Variants in MRTFA observed in about 807,000 individuals in gnomAD.
MRTFA encodes the protein myocardin-related transcription factor A.
In MRTFA, 20 loss-of-function variants were observed where a neutral mutation model predicts 83.5. That is an observed-to-expected ratio of 0.24 (90% CI 0.17 to 0.35). The LOEUF (loss-of-function observed/expected upper bound fraction) is 0.35, where lower values mean the gene tolerates loss of function less well. Ranked by LOEUF, MRTFA falls within the 10% of genes least tolerant of loss-of-function variation. The pLI is 1.00. For missense variants in MRTFA, 1,200 were observed against 1,224.7 expected (o/e 0.98, Z 0.30); for synonymous variants, 659 against 541.2 (o/e 1.22, Z -3.02).
At chr22:40,566,606 T>C (rs896071645) in intron 2 of MRTFA, among the ~76,000 whole-genome samples, 2 of 152,076 alleles carry the variant, frequency 1.3e-5, no homozygotes, top group African/African-American at 4.8e-5. Flanking sequence ...CCAAGGCTGA[T>C]GGATCACTTG....
chr22:40,450,886 T>G (rs568496285), intron 4 of MRTFA, among the ~76,000 whole-genome samples: 1 of 152,324 alleles, frequency 6.6e-6, no homozygotes, highest in South Asian at 2.1e-4. Context: ...ACAGGGTTTG[T>G]AGCCAGAAAA....
At chr22:40,631,538 T>C (rs1010780506) in intron 1 of MRTFA, among the ~76,000 whole-genome samples, 1 of 152,230 alleles carries the variant, frequency 6.6e-6, no homozygotes, top group South Asian at 2.1e-4. Flanking sequence ...TTCCGATCTA[T>C]GCAGTATGAC....
Position 40,419,338 on chromosome 22 carries a change from G to C in MRTFA, c.1400C>G (p.Ser467Trp). 2 of 1,613,962 alleles carry C rather than the reference G, an allele frequency of 1.2e-6. No individual in the cohort carries two copies. The highest frequency in any genetic ancestry group is 1.7e-4 in the Middle Eastern group (1 of 6,060). The change falls in exon 12 of 15, where the codon TCG becomes TGG. Residue 467 changes from serine to tryptophan, a missense_variant. Physicochemically the swap from Ser to Trp is radical, Grantham distance 177. Transcript: ENST00000355630. ...CTCAATCAGCTCAGTTTTGGTGCCC[G>C]AGACAGGCAGTGATCGCAACTTCAG...
intron 3 of MRTFA, among the ~76,000 whole-genome samples, chr22:40,534,671 A>T (rs1379050573): frequency 2.0e-5 from 3 of 152,136 alleles, no homozygotes. Context: ...ACTGCTCCCC[A>T]CAGCACCTTT....
In MRTFA at chr22:40,617,380, G is replaced by C. The variant is rs2056464548; in HGVS notation, c.-84+19098C>G. On this transcript the variant is annotated intron_variant, in intron 1 of 14. Coordinates refer to ENST00000355630, the MANE Select transcript of MRTFA (RefSeq NM_020831.6). ...GTCTTGAGAAAATCTCACAAACGGA[G>C]GCCAAATTGAAAAGGAGCTAGCAAA... 2.6e-5 allele frequency among the ~76,000 whole-genome samples: 4 copies of C among 152,214 alleles called. No homozygotes were observed. In the South Asian group the frequency reaches 8.3e-4, roughly 32 times the overall value.
chr22:40,410,564 T>C lies in MRTFA; in HGVS notation c.*826A>G, dbSNP rs990532843. Reference sequence around the variant, plus strand: ...TGGCAGGAAGGCCAGGTAGCACCTCTGCCCTCATGGCACTGATAAGGAGCC... The same window carrying C: ...TGGCAGGAAGGCCAGGTAGCACCTCCGCCCTCATGGCACTGATAAGGAGCC... On this transcript the variant is annotated 3_prime_UTR_variant, in exon 15 of 15. Transcript: ENST00000355630. 3 of 233,294 alleles carry C rather than the reference T, an allele frequency of 1.3e-5. No homozygotes were observed. The highest frequency in any genetic ancestry group is 2.5e-5 in the Non-Finnish European group (3 of 117,890). The allele number at this position is 233,294 out of a possible 1,614,324, so 14.5% of individuals were successfully genotyped here. A position where few individuals can be genotyped will look rare whatever the true frequency, so the allele number is the denominator to read the frequency against.
chr22:40,576,406 G>A (rs747069291), intron 2 of MRTFA, among the ~76,000 whole-genome samples: 10 of 152,118 alleles, frequency 6.6e-5, no homozygotes, highest in Non-Finnish European at 1.0e-4. Context: ...TCTCAGTAAC[G>A]TTTAGGTGAA....
At chr22:40,471,653 T>A (rs922114949) in intron 3 of MRTFA, among the ~76,000 whole-genome samples, 1 of 151,936 alleles carries the variant, frequency 6.6e-6, no homozygotes, top group Non-Finnish European at 1.5e-5. Context: ...GAGGCCCAGG[T>A]AGGCGGATTG....
intron 3 of MRTFA, among the ~76,000 whole-genome samples, chr22:40,474,071 G>A (rs1287069894): frequency 8.5e-5 from 13 of 152,086 alleles, no homozygotes; most frequent in Non-Finnish European, 2.9e-5. Flanking sequence ...ACAACTATAG[G>A]TTGGCACAAA....
chr22:40,625,261 C>A (rs1916023468), intron 1 of MRTFA, among the ~76,000 whole-genome samples: 1 of 151,842 alleles, frequency 6.6e-6, no homozygotes, highest in Admixed American at 6.6e-5. Context: ...GGGAGGATCA[C>A]TTGAGCCCAG....
At chr22:40,417,563 G>T in intron 12 of MRTFA, 70 bp from the exon 13 acceptor site, 2 of 408,398 alleles carry the variant, frequency 4.9e-6, no homozygotes, top group Non-Finnish European at 4.5e-6. Context: ...TGTAGGGGGC[G>T]GGGGGCGGGG....
chr22:40,500,109 T>C (rs1231801402), intron 3 of MRTFA, among the ~76,000 whole-genome samples: 1 of 151,434 alleles, frequency 6.6e-6, no homozygotes, highest in East Asian at 1.9e-4. Context: ...TTTTGTATTT[T>C]TAGTAGAGAT....
rs945139208 is a variant in MRTFA, at chr22:40,421,059, G to A, written c.969C>T (p.Ser323=). 2 of 1,553,234 alleles carry A rather than the reference G, an allele frequency of 1.3e-6. No individual in the cohort carries two copies. The highest frequency in any genetic ancestry group is 1.7e-6 in the Non-Finnish European group (2 of 1,147,222). The stretch of plus-strand genomic sequence containing the variant: ...TTGGCTTCAGCTCCTTGGCCTTCTT[G>A]CTGCGCTGTGACTTCTCACTGGCAG... Residue 323 remains serine (S), a synonymous_variant, in exon 10 of 15, where the codon AGC becomes AGT. Transcript: ENST00000355630.
chr22:40,508,015 A>G (rs961028460), intron 3 of MRTFA, among the ~76,000 whole-genome samples: 1 of 149,658 alleles, frequency 6.7e-6, no homozygotes, highest in Non-Finnish European at 1.5e-5. Context: ...TGATTTATAT[A>G]TAAAGTACGT....
At chr22:40,632,283 T>C (rs2056649943) in intron 1 of MRTFA, among the ~76,000 whole-genome samples, 4 of 152,246 alleles carry the variant, frequency 2.6e-5, no homozygotes, top group African/African-American at 9.6e-5. Context: ...AGCTGACATA[T>C]TACTGCAATT....
chr22:40,435,891 C>T (rs980422236), intron 4 of MRTFA, among the ~76,000 whole-genome samples: 11 of 150,436 alleles, frequency 7.3e-5, no homozygotes, highest in Admixed American at 1.3e-4. Context: ...GCCGAGATTG[C>T]GCCACTGCAC....
chr22:40,507,972 CAAAAAAAAA>C (rs11315930), intron 3 of MRTFA, among the ~76,000 whole-genome samples: 3 of 37,540 alleles, frequency 8.0e-5, no homozygotes, highest in Admixed American at 4.7e-4. Flanking sequence ...GACTCCACCT[CAAAAAAAAA>C]AAAAAAAAAA....
chr22:40,626,259 A>G (rs2056580533), intron 1 of MRTFA, among the ~76,000 whole-genome samples: 1 of 151,924 alleles, frequency 6.6e-6, no homozygotes, highest in Admixed American at 6.6e-5. Flanking sequence ...TGCTGGGATT[A>G]CAGGCATGGG....
At chr22:40,538,085 G>A (rs1335434832) in intron 3 of MRTFA, among the ~76,000 whole-genome samples, 1 of 21,080 alleles carries the variant, frequency 4.7e-5, no homozygotes, top group Non-Finnish European at 1.0e-4. Context: ...AGCTCATTGA[G>A]AACGGGCCAG....
Sources: allele counts gnomAD v4.1 joint callset (sites outside exome capture counted in the v4.1 genomes callset), GRCh38; gene constraint gnomAD v4.1.1; transcripts MANE v1.5; gene names NCBI Gene and HGNC (gene_info 2026-07-23, HGNC 2026-07-21).